PCSK2: variants seen among roughly 807,000 people sequenced by gnomAD.
The protein encoded by PCSK2 is neuroendocrine convertase 2.
PCSK2 carries 14 observed loss-of-function variants against 69.7 expected under a neutral mutation model. That is an observed-to-expected ratio of 0.20 (90% CI 0.13 to 0.31). The LOEUF (loss-of-function observed/expected upper bound fraction) is 0.31. Among genes scored for constraint, PCSK2 ranks in the 10% least tolerant of loss-of-function variants. The pLI, the probability that PCSK2 is intolerant of heterozygous loss-of-function variation, is 1.00. For missense variants in PCSK2, 544 were observed against 842.5 expected (o/e 0.65, Z 4.39); for synonymous variants, 307 against 320.7 (o/e 0.96, Z 0.46).
intron 11 of PCSK2, among the ~76,000 whole-genome samples, chr20:17,479,711 G>C (rs2033358321): frequency 1.3e-5 from 2 of 149,816 alleles, no homozygotes; most frequent in African/African-American, 2.5e-5. Context: ...AGGCAGGAAT[G>C]GCGTGAACCC....
chr20:17,259,308 T>C (rs1987290303), intron 1 of PCSK2, among the ~76,000 whole-genome samples: 1 of 152,224 alleles, frequency 6.6e-6, no homozygotes, highest in Non-Finnish European at 1.5e-5. Flanking sequence ...TTTGTAAGCA[T>C]TCAATTAAAT....
intron 2 of PCSK2, among the ~76,000 whole-genome samples, chr20:17,304,915 T>C (rs1989280559): frequency 6.6e-6 from 1 of 152,236 alleles, no homozygotes; most frequent in Non-Finnish European, 1.5e-5. Context: ...TTTTATTTTG[T>C]TTTGTTTCTG....
chr20:17,265,106 C>T (rs1197195760), intron 2 of PCSK2, among the ~76,000 whole-genome samples: 6 of 152,252 alleles, frequency 3.9e-5, no homozygotes, highest in African/African-American at 1.4e-4. Flanking sequence ...TCGGGTGATC[C>T]ACCCGCCTTG....
intron 2 of PCSK2, among the ~76,000 whole-genome samples, chr20:17,273,744 A>T (rs1230080662): frequency 1.3e-5 from 2 of 152,202 alleles, no homozygotes; most frequent in Non-Finnish European, 2.9e-5. Context: ...ATTAACTTTT[A>T]ACTCCCAATG....
At chr20:17,461,175 G>C (rs947897632) in intron 10 of PCSK2, among the ~76,000 whole-genome samples, 2 of 151,960 alleles carry the variant, frequency 1.3e-5, no homozygotes, top group African/African-American at 4.8e-5. Context: ...TTTGAGATGA[G>C]ATTTTCCACA....
chr20:17,258,689 A>T (rs2122994116), intron 1 of PCSK2, among the ~76,000 whole-genome samples: 1 of 152,208 alleles, frequency 6.6e-6, no homozygotes, highest in African/African-American at 2.4e-5. Context: ...AAAATTTGAA[A>T]AAAGGAGGTA....
chr20:17,413,037 A>C (rs562101934), intron 6 of PCSK2, among the ~76,000 whole-genome samples: 1 of 152,354 alleles, frequency 6.6e-6, no homozygotes, highest in Non-Finnish European at 1.5e-5. Context: ...GGAAGCACTA[A>C]ACATGGAAAG....
intron 5 of PCSK2, among the ~76,000 whole-genome samples, chr20:17,388,140 C>T (rs1270775617): frequency 6.6e-6 from 1 of 151,914 alleles, no homozygotes; most frequent in East Asian, 1.9e-4. Flanking sequence ...AGAAGTATAT[C>T]AGTACGGGAA....
chr20:17,481,477 TC>T, intron 11 of PCSK2, 106 bp from the exon 12 acceptor site: 1 of 886,024 alleles, frequency 1.1e-6, no homozygotes, highest in Admixed American at 2.3e-5. Context: ...GTCTGATTGA[TC>T]AACCCCAAAG....
intron 2 of PCSK2, among the ~76,000 whole-genome samples, chr20:17,267,702 G>A (rs535797902): frequency 2.6e-5 from 4 of 152,170 alleles, no homozygotes; most frequent in East Asian, 1.9e-4. Context: ...GGTACTGTTC[G>A]TGCTGTCATG....
chr20:17,435,219 A>G (rs1600577428), intron 7 of PCSK2, among the ~76,000 whole-genome samples: 1 of 152,332 alleles, frequency 6.6e-6, no homozygotes, highest in African/African-American at 2.4e-5. Context: ...ATAAGGTAAT[A>G]ATGCCAGATA....
At chr20:17,416,601 G>T (rs1373284161) in intron 6 of PCSK2, among the ~76,000 whole-genome samples, 1 of 150,330 alleles carries the variant, frequency 6.7e-6, no homozygotes, top group East Asian at 1.9e-4. Flanking sequence ...AACCATTGTG[G>T]AAGACAGTAT....
At chr20:17,276,312 TTAAG>T (rs1233525110) in intron 2 of PCSK2, among the ~76,000 whole-genome samples, 1 of 152,164 alleles carries the variant, frequency 6.6e-6, no homozygotes, top group Admixed American at 6.6e-5. Flanking sequence ...CACCAATTCT[TTAAG>T]TGTTTCTTGT....
At chr20:17,323,023 C>A (rs190389020) in intron 2 of PCSK2, among the ~76,000 whole-genome samples, 4 of 152,086 alleles carry the variant, frequency 2.6e-5, no homozygotes, top group Non-Finnish European at 5.9e-5. Flanking sequence ...TGCCACCACG[C>A]CTGGCTAATT....
intron 2 of PCSK2, among the ~76,000 whole-genome samples, chr20:17,323,169 C>T (rs1033013688): frequency 6.6e-6 from 1 of 152,156 alleles, no homozygotes; most frequent in African/African-American, 2.4e-5. Context: ...CCAGCCAAGG[C>T]CCCACTTCTT....
At chr20:17,326,023 T>C (rs562728205) in intron 2 of PCSK2, among the ~76,000 whole-genome samples, 1 of 152,224 alleles carries the variant, frequency 6.6e-6, no homozygotes, top group East Asian at 1.9e-4. Context: ...ATCACAGGAG[T>C]CCTCTTAAGG....
chr20:17,257,273 C>T (rs1005558950), intron 1 of PCSK2, among the ~76,000 whole-genome samples: 1 of 152,180 alleles, frequency 6.6e-6, no homozygotes, highest in Non-Finnish European at 1.5e-5. Flanking sequence ...CAGGAAACAA[C>T]AGATGCTGGA....
chr20:17,465,277 C>T (rs1276128642), intron 10 of PCSK2, 49 bp from the exon 11 acceptor site: 8 of 1,285,360 alleles, frequency 6.2e-6, no homozygotes, highest in Non-Finnish European at 9.0e-6. Flanking sequence ...CTCCCTCTCT[C>T]ACCCTGCCTT....
Position 17,358,329 on chromosome 20 carries a change from A to T in PCSK2, c.285A>T (p.Val95=), listed in dbSNP as rs1206600262. 6.3e-7 allele frequency: 1 copy of T among 1,576,324 alleles called. No homozygotes were observed. The highest frequency in any genetic ancestry group is 1.7e-5 in the Admixed American group (1 of 59,988). ...ATATGTCAGCATTGTCATTCCAGGT[A>T]AAGATGGCTTTGCAGCAGGAAGGAT... is the stretch of plus-strand genomic sequence containing the variant. The part of the protein sequence containing the change: ...HKQQLERDPR[V]KMALQQEGFD... The change falls in exon 3 of 12, where the codon GTA becomes GTT. Residue 95 remains valine (V), a splice_region_variant and synonymous_variant. Transcript: ENST00000262545.
Sources: gnomAD v4.1 joint callset for allele counts (sites outside exome capture counted in the v4.1 genomes callset) on GRCh38, gnomAD v4.1.1 for gene constraint, MANE v1.5 for transcripts, NCBI Gene and HGNC (gene_info 2026-07-23, HGNC 2026-07-21) for gene names.